TIAM1: variants seen among roughly 807,000 people sequenced by gnomAD.
TIAM1 encodes the protein TIAM Rac1 associated GEF 1, also known as rho guanine nucleotide exchange factor TIAM1.
Under a neutral mutation model 163.5 loss-of-function variants are expected in TIAM1, and 65 were observed. The observed-to-expected ratio is 0.40, with a 90% confidence interval of 0.33 to 0.49. The LOEUF is 0.49. TIAM1 is among the 20% of genes least tolerant of loss of function. The pLI is 0.77. For synonymous variants in TIAM1, 833 were observed against 810.1 expected (o/e 1.03, Z -0.48); for missense variants, 1,789 against 2,044.7 (o/e 0.87, Z 2.41).
At chr21:31,497,206 T>A (rs2046692387) in intron 1 of TIAM1, among the ~76,000 whole-genome samples, 1 of 152,216 alleles carries the variant, frequency 6.6e-6, no homozygotes, top group South Asian at 2.1e-4. Flanking sequence ...CCCTATGTTG[T>A]CTGTACCATG....
chr21:31,338,582 G>A (rs115850868), intron 2 of TIAM1, among the ~76,000 whole-genome samples: 138 of 152,282 alleles, frequency 9.1e-4, no homozygotes, highest in African/African-American at 3.2e-3. Flanking sequence ...GGAAACTGAA[G>A]TACCCACAGC....
intron 20 of TIAM1, among the ~76,000 whole-genome samples, chr21:31,142,018 C>T (rs1239157040): frequency 6.6e-6 from 1 of 152,110 alleles, no homozygotes; most frequent in Non-Finnish European, 1.5e-5. Flanking sequence ...GAGCACACAT[C>T]TCGGCTTCGA....
At chr21:31,438,846 C>T (rs1465561850) in intron 2 of TIAM1, among the ~76,000 whole-genome samples, 1 of 152,150 alleles carries the variant, frequency 6.6e-6, no homozygotes, top group African/African-American at 2.4e-5. Flanking sequence ...CCAGTAGCAA[C>T]CCACAACAAC....
intron 1 of TIAM1, among the ~76,000 whole-genome samples, chr21:31,551,042 C>T (rs1252691275): frequency 1.3e-5 from 2 of 151,590 alleles, no homozygotes; most frequent in Non-Finnish European, 2.9e-5. Context: ...GAAACCTAGT[C>T]TCTACTAAAA....
intron 3 of TIAM1, among the ~76,000 whole-genome samples, chr21:31,275,139 A>AG (rs2073240668): frequency 6.6e-6 from 1 of 151,998 alleles, no homozygotes; most frequent in African/African-American, 2.4e-5. Flanking sequence ...AAAAAAAAAA[A>AG]AAGAATATTA....
At chr21:31,223,299 A>G in intron 8 of TIAM1, 107 bp downstream of exon 8, 2 of 1,270,500 alleles carry the variant, frequency 1.6e-6, no homozygotes, top group Non-Finnish European at 2.2e-6. Context: ...TCAGAAATCC[A>G]TACACAGCAG....
intron 1 of TIAM1, among the ~76,000 whole-genome samples, chr21:31,513,825 T>C (rs981434808): frequency 2.0e-5 from 3 of 152,146 alleles, no homozygotes; most frequent in African/African-American, 7.2e-5. Flanking sequence ...CTGGCCAACA[T>C]AGCGAAACCC....
intron 1 of TIAM1, among the ~76,000 whole-genome samples, chr21:31,511,355 T>C (rs1297408034): frequency 2.0e-5 from 3 of 152,208 alleles, no homozygotes; most frequent in Admixed American, 6.5e-5. Context: ...AATTCAATAA[T>C]TGACTTGCAA....
In TIAM1 at chr21:31,225,729, A is replaced by C; in HGVS notation, c.1806T>G (p.Asp602Glu). 1 of 1,608,826 alleles carries C rather than the reference A, an allele frequency of 6.2e-7. No homozygotes were observed. The highest frequency in any genetic ancestry group is 8.5e-7 in the Non-Finnish European group (1 of 1,179,436). Residue 602 changes from aspartate to glutamate, a missense_variant, in exon 7 of 28, where the codon GAT becomes GAG. Asp to Glu is a conservative substitution (Grantham distance 45, BLOSUM62 2). Around this residue, in one of 5 missense-constraint regions of TIAM1, gnomAD observed 456 missense variants for 586.6 expected, o/e 0.78. Transcript: ENST00000541036. ...TDSKKKKTIL[D>E]QIFVWEQNLE... ...CTAAACACGGAAGAACGATTACCTGATCTAATATTGTTTTCTTTTTCTTTG... is the reference window on the plus strand; with the variant it reads ...CTAAACACGGAAGAACGATTACCTGCTCTAATATTGTTTTCTTTTTCTTTG...
chr21:31,177,914 C>T (rs1164997148), intron 15 of TIAM1, among the ~76,000 whole-genome samples: 1 of 152,200 alleles, frequency 6.6e-6, no homozygotes, highest in African/African-American at 2.4e-5. Flanking sequence ...CCCAGCAAGG[C>T]TCTCTGTCGA....
intron 1 of TIAM1, among the ~76,000 whole-genome samples, chr21:31,514,963 C>T (rs1440175811): frequency 2.0e-5 from 3 of 152,214 alleles, no homozygotes; most frequent in Non-Finnish European, 4.4e-5. Flanking sequence ...GCTTCCAACT[C>T]TCATTATGTC....
chr21:31,309,810 A>T (rs2074856087), intron 2 of TIAM1, among the ~76,000 whole-genome samples: 1 of 152,100 alleles, frequency 6.6e-6, no homozygotes, highest in Non-Finnish European at 1.5e-5. Flanking sequence ...GCGTGACCAG[A>T]CATTCATTCT....
chr21:31,352,545 T>TA (rs35386667), intron 2 of TIAM1, among the ~76,000 whole-genome samples: 49,256 of 132,378 alleles, frequency 0.37, 8,894 homozygotes, highest in Admixed American at 0.45. Flanking sequence ...TATGTAGCTT[T>TA]AAAAAAAAAA....
intron 1 of TIAM1, among the ~76,000 whole-genome samples, chr21:31,517,220 C>A (rs953904729): frequency 6.6e-6 from 1 of 152,034 alleles, no homozygotes; most frequent in African/African-American, 2.4e-5. Flanking sequence ...ATCACACGAT[C>A]TCAGGAGATC....
At position 31,417,826 on chromosome 21, in the gene TIAM1, ATT is replaced by A. The variant is rs2043426360; in HGVS notation, c.-369+46155_-369+46156del. On this transcript the variant is annotated intron_variant, in intron 2 of 28. Transcript: ENST00000286827. ...CAGAACCCACACCTGAAGGGGGTAC[ATT>A]ATGTAACTACCTGGGGAAGAGTGCT... Among the ~76,000 whole-genome samples, 5 of 152,292 alleles carry A rather than the reference ATT, an allele frequency of 3.3e-5. No individual in the cohort carries two copies. In the South Asian group the frequency reaches 1.0e-3, roughly 32 times the overall value.
intron 2 of TIAM1, among the ~76,000 whole-genome samples, chr21:31,363,099 A>G (rs965405320): frequency 1.3e-5 from 2 of 152,124 alleles, no homozygotes; most frequent in African/African-American, 4.8e-5. Context: ...GGGTGGGTTC[A>G]CGATCGATAT....
Position 31,148,371 on chromosome 21 carries a change from C to T in TIAM1, c.3367-1368G>A, listed in dbSNP as rs181293052. Among the ~76,000 whole-genome samples, 293 of 152,230 alleles carry T rather than the reference C, an allele frequency of 1.9e-3. 5 individuals carry two copies. The highest frequency in any genetic ancestry group is 6.2e-3 in the East Asian group (32 of 5,182). On this transcript the variant is annotated intron_variant, in intron 19 of 27. Coordinates refer to ENST00000541036, the MANE Select transcript of TIAM1 (RefSeq NM_001353694.2). ...GAGATCTGATGGTTTTTATAAAGGGCGGTTCCCCTGCACACGCTCTCTTGC... is the reference window on the plus strand; with the variant it reads ...GAGATCTGATGGTTTTTATAAAGGGTGGTTCCCCTGCACACGCTCTCTTGC...
intron 14 of TIAM1, among the ~76,000 whole-genome samples, chr21:31,185,946 G>A (rs2085283509): frequency 6.6e-6 from 1 of 152,140 alleles, no homozygotes; most frequent in Non-Finnish European, 1.5e-5. Flanking sequence ...AGGCTTCAGA[G>A]AAATCAATCT....
At chr21:31,538,704 G>A (rs961936529) in intron 1 of TIAM1, among the ~76,000 whole-genome samples, 1 of 152,174 alleles carries the variant, frequency 6.6e-6, no homozygotes, top group African/African-American at 2.4e-5. Context: ...ACATGACAAT[G>A]TTTTCATTAA....
Sources: gnomAD v4.1 joint callset for allele counts (sites outside exome capture counted in the v4.1 genomes callset) on GRCh38, gnomAD v4.1.1 for gene constraint, gnomAD v4.1.1 regional missense constraint, MANE v1.5 for transcripts, NCBI Gene and HGNC (gene_info 2026-07-23, HGNC 2026-07-21) for gene names.